The following CNTN4 variants were observed in gnomAD, a reference collection of about 807,000 sequenced individuals.
The protein encoded by CNTN4 is contactin-4.
A neutral mutation model predicts 122.5 loss-of-function variants in CNTN4; 77 were observed. That is an observed-to-expected ratio of 0.63 (90% CI 0.52 to 0.76). CNTN4 has a LOEUF of 0.76. Among genes scored for constraint, CNTN4 ranks in the 30% least tolerant of loss-of-function variants. CNTN4 has a pLI of 0.00. For synonymous variants in CNTN4, 512 were observed against 447.0 expected, an observed-to-expected ratio of 1.15 and a Z score of -1.83; for missense variants, 1,256 against 1,259.1, an observed-to-expected ratio of 1.00 and a Z score of 0.04.
At chr3:2,659,329 G>A (rs1400601478) in intron 4 of CNTN4, among the ~76,000 whole-genome samples, 2 of 151,788 alleles carry the variant, frequency 1.3e-5, no homozygotes, top group Non-Finnish European at 2.9e-5. Context: ...AGGTGTAATG[G>A]TACATGTCTG....
At chr3:3,031,080 A>G in intron 16 of CNTN4, 105 bp downstream of exon 16, 1 of 1,443,806 alleles carries the variant, frequency 6.9e-7, no homozygotes, top group Non-Finnish European at 9.7e-7. Flanking sequence ...GGAAAAAGTC[A>G]GGCAGAAGCT....
At chr3:3,048,091 C>T (rs1051391136) in intron 23 of CNTN4, among the ~76,000 whole-genome samples, 1 of 152,162 alleles carries the variant, frequency 6.6e-6, no homozygotes, top group Non-Finnish European at 1.5e-5. Context: ...ACCTCCTCAA[C>T]TACACCCCAA....
intron 4 of CNTN4, among the ~76,000 whole-genome samples, chr3:2,593,119 A>G (rs562966698): frequency 6.6e-6 from 1 of 152,344 alleles, no homozygotes; most frequent in African/African-American, 2.4e-5. Flanking sequence ...TAATACACAC[A>G]GATAAAAAGA....
Position 2,839,907 on chromosome 3 carries a change from T to A in CNTN4, c.454+20326T>A, listed in dbSNP as rs540329648. On this transcript the variant is annotated intron_variant, in intron 7 of 24. Transcript: ENST00000418658. ...TAGCAATCTAGGGACTTTTTTAAAATTTTTTTTCTCTATTCCCAAGTGTTA... is the reference window on the plus strand; with the variant it reads ...TAGCAATCTAGGGACTTTTTTAAAAATTTTTTTCTCTATTCCCAAGTGTTA... Among the ~76,000 whole-genome samples the A allele has an allele frequency of 1.2e-4, 19 of 152,110 alleles. No homozygotes were observed. In the East Asian group the frequency reaches 1.7e-3, roughly 14 times the overall value.
intron 2 of CNTN4, among the ~76,000 whole-genome samples, chr3:2,254,820 T>C (rs1304852702): frequency 6.6e-6 from 1 of 152,200 alleles, no homozygotes; most frequent in Non-Finnish European, 1.5e-5. Flanking sequence ...AAAAATTTTC[T>C]CTCATTCTAT....
intron 7 of CNTN4, among the ~76,000 whole-genome samples, chr3:2,859,290 CTTCA>C (rs1031970087): frequency 3.3e-5 from 5 of 152,280 alleles, no homozygotes; most frequent in Admixed American, 3.3e-4. Context: ...ATCACATTTT[CTTCA>C]TTCATTCATC....
intron 4 of CNTN4, among the ~76,000 whole-genome samples, chr3:2,662,522 T>G (rs915166592): frequency 6.6e-6 from 1 of 152,176 alleles, no homozygotes; most frequent in African/African-American, 2.4e-5. Context: ...TCACCTGTGG[T>G]CCAATGGTTC....
At position 2,556,082 on chromosome 3, in the gene CNTN4, T is replaced by C. The variant is rs115401118; in HGVS notation, c.-88-15334T>C. ...TGTAAACATTAAACTGTCTTTCCAT[T>C]TGGGGGTTACTGGAAATATCATAAA... is the stretch of plus-strand genomic sequence containing the variant. On this transcript the variant is annotated intron_variant, in intron 3 of 24. Transcript: ENST00000418658. Among the ~76,000 whole-genome samples the C allele has an allele frequency of 5.5e-3, 836 of 152,288 alleles. 4 individuals are homozygous for C. The highest frequency in any genetic ancestry group is 0.019 in the African/African-American group (792 of 41,566).
At chr3:2,594,778 T>G (rs201679143) in intron 4 of CNTN4, among the ~76,000 whole-genome samples, 5 of 72,090 alleles carry the variant, frequency 6.9e-5, no homozygotes, top group Admixed American at 5.8e-4. Flanking sequence ...GTATGTGTGT[T>G]TGTTTGTGTG....
chr3:2,376,339 C>A (rs1444355615), intron 3 of CNTN4, among the ~76,000 whole-genome samples: 1 of 152,102 alleles, frequency 6.6e-6, no homozygotes. Context: ...CTAGTAAGTG[C>A]ACAATAAATA....
chr3:2,421,797 T>C (rs1366979235), intron 3 of CNTN4, among the ~76,000 whole-genome samples: 1 of 152,238 alleles, frequency 6.6e-6, no homozygotes, highest in Non-Finnish European at 1.5e-5. Flanking sequence ...CTTTACAATA[T>C]TTCTCTGCAA....
intron 4 of CNTN4, among the ~76,000 whole-genome samples, chr3:2,627,687 G>A (rs900193285): frequency 5.9e-5 from 9 of 151,838 alleles, no homozygotes; most frequent in African/African-American, 1.2e-4. Flanking sequence ...TAGAGACGGG[G>A]TTTCACCGTG....
intron 6 of CNTN4, among the ~76,000 whole-genome samples, chr3:2,776,932 T>A (rs1355925280): frequency 6.6e-6 from 1 of 152,010 alleles, no homozygotes; most frequent in African/African-American, 2.4e-5. Context: ...ACATTGAAAA[T>A]CCCTAATTTG....
At chr3:2,108,418 A>C (rs147566462) in intron 2 of CNTN4, among the ~76,000 whole-genome samples, 85 of 152,218 alleles carry the variant, frequency 5.6e-4, no homozygotes, top group African/African-American at 2.0e-3. Flanking sequence ...TTCCCAGGAC[A>C]GGGGGGTTCC....
intron 2 of CNTN4, 80 bp downstream of exon 2, chr3:2,100,719 T>A (rs920584905): frequency 6.6e-6 from 1 of 152,236 alleles, no homozygotes; most frequent in African/African-American, 2.4e-5. Context: ...CAGGAGTAGG[T>A]AAGATTGCTA....
intron 3 of CNTN4, among the ~76,000 whole-genome samples, chr3:2,397,821 C>T (rs1413476580): frequency 1.3e-5 from 2 of 152,098 alleles, no homozygotes; most frequent in African/African-American, 4.8e-5. Context: ...TCATATTATT[C>T]ATAGAAATTT....
chr3:2,972,691 A>T (rs572898097), intron 13 of CNTN4, among the ~76,000 whole-genome samples: 1 of 152,112 alleles, frequency 6.6e-6, no homozygotes, highest in Non-Finnish European at 1.5e-5. Flanking sequence ...TAGTGTGCTG[A>T]TGATTACAGG....
chr3:3,044,773 G>A (rs866502761), intron 23 of CNTN4, among the ~76,000 whole-genome samples: 2 of 152,304 alleles, frequency 1.3e-5, no homozygotes, highest in South Asian at 2.1e-4. Flanking sequence ...CAGGACAGTG[G>A]GGGAAGTGCA....
At chr3:2,268,303 A>G (rs2041137185) in intron 2 of CNTN4, among the ~76,000 whole-genome samples, 1 of 152,002 alleles carries the variant, frequency 6.6e-6, no homozygotes, top group Non-Finnish European at 1.5e-5. Flanking sequence ...ATGGATCAGA[A>G]TTGAGATTTC....
Sources: gnomAD v4.1 joint callset for allele counts (sites outside exome capture counted in the v4.1 genomes callset) on GRCh38, gnomAD v4.1.1 for gene constraint, MANE v1.5 for transcripts, NCBI Gene and HGNC (gene_info 2026-07-23, HGNC 2026-07-21) for gene names.